Variants in CEP85 observed in about 807,000 individuals in gnomAD.
CEP85 encodes the protein centrosomal protein of 85 kDa.
CEP85 carries 58 observed loss-of-function variants against 93.7 expected under a neutral mutation model. The observed-to-expected ratio is 0.62, with a 90% confidence interval of 0.50 to 0.77. CEP85 has a LOEUF of 0.77. Among genes scored for constraint, CEP85 ranks in the 30% least tolerant of loss-of-function variants. The pLI is 0.00. For missense variants in CEP85, 868 were observed against 922.0 expected, an observed-to-expected ratio of 0.94 and a Z score of 0.76; for synonymous variants, 314 against 338.6, an observed-to-expected ratio of 0.93 and a Z score of 0.80.
chr1:26,272,120 C>A, intron 11 of CEP85, 49 bp downstream of exon 11: 2 of 1,567,640 alleles, frequency 1.3e-6, no homozygotes, highest in Non-Finnish European at 1.8e-6. Context: ...ATGATGGAAT[C>A]TCTAGAATTT....
chr1:26,237,206 G>T (rs1426686290), intron 1 of CEP85, among the ~76,000 whole-genome samples: 4 of 151,396 alleles, frequency 2.6e-5, no homozygotes, highest in East Asian at 3.9e-4. Context: ...TTTTTTTTTT[G>T]GCTTATATCA....
chr1:26,252,497 A>G (rs1210355797), intron 3 of CEP85, among the ~76,000 whole-genome samples: 2 of 152,204 alleles, frequency 1.3e-5, no homozygotes, highest in Non-Finnish European at 2.9e-5. Context: ...GCGCCATTGC[A>G]CTCCAGCCTG....
intron 8 of CEP85, 190 bp from the exon 9 acceptor site, chr1:26,269,270 C>T (rs2089936848): frequency 1.7e-6 from 1 of 589,902 alleles, no homozygotes. Flanking sequence ...TCCTTCCCCT[C>T]CCCTGTCCAG....
intron 3 of CEP85, among the ~76,000 whole-genome samples, chr1:26,247,544 G>A (rs1270059343): frequency 6.6e-6 from 1 of 151,984 alleles, no homozygotes; most frequent in African/African-American, 2.4e-5. Flanking sequence ...TACAGTCTGG[G>A]CAACATAGTG....
At chr1:26,235,714 A>G (rs1407095912) in intron 1 of CEP85, among the ~76,000 whole-genome samples, 1 of 151,954 alleles carries the variant, frequency 6.6e-6, no homozygotes, top group Non-Finnish European at 1.5e-5. Flanking sequence ...CTGGGATTAC[A>G]GGCATGCGCC....
intron 7 of CEP85, among the ~76,000 whole-genome samples, chr1:26,261,741 A>AT (rs34240339): frequency 3.4e-5 from 5 of 147,258 alleles, no homozygotes; most frequent in East Asian, 3.9e-4. Context: ...AAAAAAAAAA[A>AT]TTTTTTTTTT....
rs752405102 is a variant in CEP85 at position 26,268,490 on chromosome 1, G to A, written c.1349G>A (p.Gly450Asp). Reference protein sequence around the residue: ...EVKKQEERVKGRDKHINNLKK... With the variant: ...EVKKQEERVKDRDKHINNLKK... ...TGACATTTATTTTCCTAGGTCAAAG[G>A]TCGTGATAAACATATCAATAATTTG... The change falls in exon 8 of 14, where the codon GGT (glycine) becomes GAT (aspartate). Residue 450 changes from glycine (G) to aspartate (D), a missense_variant. Gly to Asp is a moderately conservative substitution (Grantham distance 94, BLOSUM62 -1). Coordinates refer to ENST00000451429, the MANE Select transcript of CEP85 (RefSeq NM_001319944.2). The A allele has an allele frequency of 3.1e-6, 5 of 1,614,078 alleles. No individual in the cohort carries two copies. In the South Asian group the frequency reaches 3.3e-5, roughly 11 times the overall value.
chr1:26,262,035 C>T (rs2089818052), intron 7 of CEP85, among the ~76,000 whole-genome samples: 1 of 151,964 alleles, frequency 6.6e-6, no homozygotes, highest in Admixed American at 6.6e-5. Flanking sequence ...TGGCCAGGCA[C>T]GATGGCTTAC....
chr1:26,258,359 A>C, intron 6 of CEP85, 99 bp downstream of exon 6: 1 of 757,450 alleles, frequency 1.3e-6, no homozygotes, highest in Non-Finnish European at 2.3e-6. Flanking sequence ...AAAGAGCTCA[A>C]GTGATGTAAG....
intron 3 of CEP85, among the ~76,000 whole-genome samples, chr1:26,250,480 T>C (rs2089588824): frequency 6.6e-6 from 1 of 152,224 alleles, no homozygotes; most frequent in Admixed American, 6.5e-5. Flanking sequence ...GATTCCCTGG[T>C]AACAAAAAGG....
At chr1:26,271,993 A>G (rs756719955) in intron 10 of CEP85, 28 bp from the exon 11 acceptor site, 1 of 1,613,194 alleles carries the variant, frequency 6.2e-7, no homozygotes, top group Non-Finnish European at 8.5e-7. Context: ...TTGTGCTCGC[A>G]GCCTTCCTTG....
intron 7 of CEP85, among the ~76,000 whole-genome samples, chr1:26,267,059 G>T (rs2089904256): frequency 6.6e-6 from 1 of 152,188 alleles, no homozygotes; most frequent in Admixed American, 6.5e-5. Flanking sequence ...GTTAGTGTCA[G>T]ACTCCACAGG....
intron 1 of CEP85, among the ~76,000 whole-genome samples, chr1:26,235,747 T>C (rs1223005710): frequency 6.6e-6 from 1 of 152,104 alleles, no homozygotes; most frequent in Non-Finnish European, 1.5e-5. Context: ...TAATTTTGTA[T>C]TTTTAGTAGA....
At chr1:26,258,533 G>A (rs1236653603) in intron 6 of CEP85, among the ~76,000 whole-genome samples, 3 of 146,316 alleles carry the variant, frequency 2.1e-5, no homozygotes, top group Admixed American at 6.7e-5. Flanking sequence ...GTGATGTTAT[G>A]AGAAGTCTTA....
At chr1:26,239,218 C>T (rs1004420571) in intron 1 of CEP85, among the ~76,000 whole-genome samples, 2 of 152,124 alleles carry the variant, frequency 1.3e-5, no homozygotes, top group African/African-American at 4.8e-5. Context: ...GTTTTCTATA[C>T]TGGATTTGGG....
intron 1 of CEP85, among the ~76,000 whole-genome samples, chr1:26,235,530 G>T (rs910190626): frequency 6.7e-6 from 1 of 149,424 alleles, no homozygotes; most frequent in Non-Finnish European, 1.5e-5. Flanking sequence ...TCTCTTAACA[G>T]CTGCCAAGCA....
intron 12 of CEP85, among the ~76,000 whole-genome samples, chr1:26,275,283 GT>G (rs369648487): frequency 0.012 from 1,688 of 140,512 alleles, 18 homozygotes; most frequent in African/African-American, 0.033. Context: ...ACCTAGGAAG[GT>G]TTTTTTTTTT....
chr1:26,268,604 C>T lies in CEP85; in HGVS notation c.1463C>T (p.Thr488Ile), dbSNP rs932809281. Reference sequence around the variant, plus strand: ...GAGCGCTACCTGGCTGACCTGCCCACACTGGAAGACCATCAGAAGCAGAGC... The same window carrying T: ...GAGCGCTACCTGGCTGACCTGCCCATACTGGAAGACCATCAGAAGCAGAGC... ...TLERYLADLP[T>I]LEDHQKQSQQ... Residue 488 changes from threonine to isoleucine, a missense_variant, in exon 8 of 14, where the codon ACA becomes ATA. Thr to Ile is a moderately conservative substitution (Grantham distance 89). Coordinates refer to ENST00000451429, the MANE Select transcript of CEP85 (RefSeq NM_001319944.2). 6.2e-7 allele frequency: 1 copy of T among 1,612,548 alleles called. No individual in the cohort carries two copies. Among genetic ancestry groups the T allele is most frequent in the Non-Finnish European group, 8.5e-7 (1 of 1,179,386 alleles).
chr1:26,240,863 A>G (rs919603508), intron 2 of CEP85, among the ~76,000 whole-genome samples: 1 of 151,702 alleles, frequency 6.6e-6, no homozygotes, highest in South Asian at 2.1e-4. Flanking sequence ...ACGCCACTGC[A>G]CTCCAGCCTG....
Sources: gnomAD v4.1 joint callset for allele counts (sites outside exome capture counted in the v4.1 genomes callset) on GRCh38, gnomAD v4.1.1 for gene constraint, MANE v1.5 for transcripts, NCBI Gene and HGNC (gene_info 2026-07-23, HGNC 2026-07-21) for gene names.